The following MYO1G variants were observed in gnomAD, a reference collection of about 807,000 sequenced individuals.
MYO1G encodes the protein unconventional myosin-Ig.
A neutral mutation model predicts 115.3 loss-of-function variants in MYO1G; 65 were observed. That is an observed-to-expected ratio of 0.56 (90% CI 0.46 to 0.69). The LOEUF is 0.69. Among genes scored for constraint, MYO1G ranks in the 30% least tolerant of loss-of-function variants. The probability of loss-of-function intolerance (pLI) is 0.00; values close to 1 mark genes in which losing one functional copy is unlikely to be tolerated. For missense variants in MYO1G, 1,204 were observed against 1,393.5 expected, an observed-to-expected ratio of 0.86 and a Z score of 2.16; for synonymous variants, 510 against 552.6, an observed-to-expected ratio of 0.92 and a Z score of 1.08.
intron 3 of MYO1G, among the ~76,000 whole-genome samples, chr7:44,976,293 C>T (rs966314236): frequency 4.9e-4 from 75 of 152,324 alleles, no homozygotes; most frequent in African/African-American, 1.7e-3. Context: ...TGCACTTCTC[C>T]TCATCCTACC....
Position 44,964,115 on chromosome 7 carries a change from G to T in MYO1G, c.2679C>A (p.Asp893Glu), listed in dbSNP as rs751310560. The change falls in exon 20 of 22, where the codon GAC becomes GAA. Residue 893 changes from aspartate (D) to glutamate (E), a missense_variant. By Grantham distance (45) the Asp-to-Glu change is conservative. Transcript: ENST00000258787. This position sits in a 1 kb window ranked among gnomAD's most constrained non-coding sequence, Gnocchi z 5.1. ...CAGGGTCCAGCTTGTAGAGGTGCTG[G>T]TCTGTGAGCAGGAGGGCCCGGTTCC... ...KIRNRALLLT[D>E]QHLYKLDPDR... 6 of 1,607,052 alleles carry T rather than the reference G, an allele frequency of 3.7e-6. No individual in the cohort carries two copies. Among genetic ancestry groups the T allele is most frequent in the Non-Finnish European group, 5.1e-6 (6 of 1,176,958 alleles).
chr7:44,976,435 A>G lies in MYO1G; in HGVS notation c.398+129T>C, dbSNP rs1795050548. ...GTTGGCATTATCTGGAAACTTCCCA[A>G]GTTCCCACTGAACTTGACCTGAGCT... On this transcript the variant is annotated intron_variant, in intron 3 of 21. Coordinates refer to ENST00000258787, the MANE Select transcript of MYO1G (RefSeq NM_033054.3). 32 of 851,232 alleles carry G rather than the reference A, an allele frequency of 3.8e-5. No homozygotes were observed. In the South Asian group the frequency reaches 4.7e-4, roughly 12 times the overall value. 52.7% of individuals were successfully genotyped at this position (851,232 alleles called of 1,614,324 possible).
chr7:44,969,930 C>T lies in MYO1G; in HGVS notation c.1333-55G>A, dbSNP rs1264718122. On this transcript the variant is annotated intron_variant, in intron 10 of 21. Transcript: ENST00000258787. This position sits in a 1 kb window ranked among gnomAD's most constrained non-coding sequence, Gnocchi z 5.0. ...CCCAAGGTCTTTCAGGCCACCTCCC[C>T]TCCTCCGCCCCACACTCAGCCACCT... The T allele has an allele frequency of 3.8e-6, 6 of 1,585,334 alleles. No homozygotes were observed. Among genetic ancestry groups the T allele is most frequent in the Non-Finnish European group, 4.3e-6 (5 of 1,164,138 alleles).
Position 44,970,659 on chromosome 7 carries a change from G to A in MYO1G, c.1150C>T (p.Arg384Cys), listed in dbSNP as rs747419960. 25 of 1,613,790 alleles carry A rather than the reference G, an allele frequency of 1.5e-5. No homozygotes were observed. Among genetic ancestry groups the A allele is most frequent in the Admixed American group, 1.3e-4 (8 of 59,994 alleles). Residue 384 changes from arginine to cysteine, a missense_variant, in exon 9 of 22, where the codon CGT (arginine) becomes TGT (cysteine). By Grantham distance (180) the Arg-to-Cys change is radical (BLOSUM62 -3). Coordinates refer to ENST00000258787, the MANE Select transcript of MYO1G (RefSeq NM_033054.3). ...VMEPRGRDPR[R>C]DGKDTVIGVL... The stretch of plus-strand genomic sequence containing the variant: ...CCAATGACTGTGTCCTTGCCATCAC[G>A]CCGAGGATCCCGGCCCCGGGGTTCC...
chr7:44,976,423 G>A, intron 3 of MYO1G, 141 bp downstream of exon 3: 3 of 780,024 alleles, frequency 3.8e-6, no homozygotes, highest in Middle Eastern at 2.7e-4. Flanking sequence ...GGCATTATCT[G>A]GAAACTTCCC....
chr7:44,975,221 C>G lies in MYO1G; in HGVS notation c.571G>C (p.Val191Leu). ...CTTTCACCCACGTGCTGCTTGAGGA[C>G]CCGAGACTGAGGAGAGAGGGGCAGA... ...IHSYLLEKSR[V>L]LKQHVGERNF... Residue 191 changes from valine (V) to leucine (L), a missense_variant, in exon 5 of 22, where the codon GTC becomes CTC. By Grantham distance (32) the Val-to-Leu change is conservative. Coordinates refer to ENST00000258787, the MANE Select transcript of MYO1G (RefSeq NM_033054.3). 1 of 1,614,034 alleles carries G rather than the reference C, an allele frequency of 6.2e-7. No individual in the cohort carries two copies. Among genetic ancestry groups the G allele is most frequent in the Non-Finnish European group, 8.5e-7 (1 of 1,179,986 alleles).
At position 44,965,031 on chromosome 7, in the gene MYO1G, C is replaced by T; in HGVS notation, c.2440G>A (p.Ala814Thr). 4 of 1,611,624 alleles carry T rather than the reference C, an allele frequency of 2.5e-6. No homozygotes were observed. The highest frequency in any genetic ancestry group is 3.4e-6 in the Non-Finnish European group (4 of 1,178,718). The change falls in exon 18 of 22, where the codon GCC (alanine) becomes ACC (threonine). Residue 814 changes from alanine to threonine, a missense_variant. By Grantham distance (58) the Ala-to-Thr change is moderately conservative. Transcript: ENST00000258787. ...AGGGCCCCCATGGCGGCCACCTTGGCCTTGATCTGGGGCATGTCTGAAGGG... is the reference window on the plus strand; with the variant it reads ...AGGGCCCCCATGGCGGCCACCTTGGTCTTGATCTGGGGCATGTCTGAAGGG... ...IPPSDMPQIK[A>T]KVAAMGALQG... is the part of the protein sequence containing the mutation.
Position 44,969,575 on chromosome 7 carries a change from G to A in MYO1G, c.1504-92C>T. The A allele has an allele frequency of 6.3e-7, 1 of 1,577,850 alleles. No individual in the cohort carries two copies. Among genetic ancestry groups the A allele is most frequent in the Non-Finnish European group, 8.7e-7 (1 of 1,149,200 alleles). ...GCCTCCCCACCTCCAGGGCAGAGAA[G>A]GTTGCCACAGTGACGACAATGGCAC... On this transcript the variant is annotated intron_variant, in intron 11 of 21. Coordinates refer to ENST00000258787, the MANE Select transcript of MYO1G (RefSeq NM_033054.3). The surrounding 1 kb of genome is among the most constrained non-coding windows in gnomAD (Gnocchi z 5.0).
intron 14 of MYO1G, 50 bp downstream of exon 14, chr7:44,967,555 A>G: frequency 6.2e-7 from 1 of 1,610,532 alleles, no homozygotes; most frequent in Non-Finnish European, 8.5e-7. Context: ...CACCGAGGGC[A>G]CAGAGAGAAG....
At chr7:44,976,251 C>T (rs1795047030) in intron 3 of MYO1G, among the ~76,000 whole-genome samples, 1 of 152,196 alleles carries the variant, frequency 6.6e-6, no homozygotes. Context: ...CTGCCCTGTC[C>T]ATGAGCCATT....
In MYO1G at chr7:44,966,613, C is replaced by A. The variant is rs766807206; in HGVS notation, c.1949+59G>T. Reference sequence around the variant, plus strand: ...CTGTTTGGGGACCCTCTGCTCCTACCCCTTGGACTCCACACAGGGACTATG... The same window carrying A: ...CTGTTTGGGGACCCTCTGCTCCTACACCTTGGACTCCACACAGGGACTATG... On this transcript the variant is annotated intron_variant, in intron 15 of 21. Transcript: ENST00000258787. This position sits in a 1 kb window ranked among gnomAD's most constrained non-coding sequence, Gnocchi z 5.0. 1 of 1,602,404 alleles carries A rather than the reference C, an allele frequency of 6.2e-7. No homozygotes were observed. Among genetic ancestry groups the A allele is most frequent in the Non-Finnish European group, 8.5e-7 (1 of 1,171,572 alleles).
chr7:44,965,194 C>T, intron 17 of MYO1G, 105 bp from the exon 18 acceptor site: 1 of 1,472,892 alleles, frequency 6.8e-7, no homozygotes, highest in African/African-American at 1.4e-5. Flanking sequence ...TGCTGCCTGC[C>T]TTTCATGTCC....
chr7:44,970,783 T>G (rs202027570), intron 8 of MYO1G, 46 bp from the exon 9 acceptor site: 10 of 1,613,228 alleles, frequency 6.2e-6, no homozygotes, highest in Non-Finnish European at 8.5e-6. Flanking sequence ...TGGCCTGGCC[T>G]CCCCCATGAA....
chr7:44,965,934 C>G lies in MYO1G; in HGVS notation c.2158-74G>C, dbSNP rs1794833401. 12 of 1,553,268 alleles carry G rather than the reference C, an allele frequency of 7.7e-6. No homozygotes were observed. In the South Asian group the frequency reaches 1.3e-4, roughly 17 times the overall value. On this transcript the variant is annotated intron_variant, in intron 16 of 21. Transcript: ENST00000258787. ...CTAACCCTTAGACCCAAACCTGGCCCTGAGCATTTATTGAGCACTCCCTGG... is the reference window on the plus strand; with the variant it reads ...CTAACCCTTAGACCCAAACCTGGCCGTGAGCATTTATTGAGCACTCCCTGG...
intron 3 of MYO1G, among the ~76,000 whole-genome samples, chr7:44,976,172 C>A (rs1795046254): frequency 6.6e-6 from 1 of 152,242 alleles, no homozygotes; most frequent in African/African-American, 2.4e-5. Flanking sequence ...ACCCACACAG[C>A]CACCTGGCAT....
At chr7:44,965,963 G>A in intron 16 of MYO1G, 103 bp from the exon 17 acceptor site, 1 of 1,539,242 alleles carries the variant, frequency 6.5e-7, no homozygotes, top group East Asian at 2.3e-5. Context: ...TCCCTGGCCT[G>A]TCTCCATCAA....
At position 44,964,804 on chromosome 7, in the gene MYO1G, G is replaced by T; in HGVS notation, c.2526+141C>A. On this transcript the variant is annotated intron_variant, in intron 18 of 21. Transcript: ENST00000258787. The surrounding 1 kb of genome is among the most constrained non-coding windows in gnomAD (Gnocchi z 5.1). ...ATGAGACCTTGCAGAGCTCTGGTGG[G>T]GGCTGAGGTACAGGGCCACCAGGAC... The T allele has an allele frequency of 7.8e-7, 1 of 1,277,048 alleles. No homozygotes were observed. The allele number at this position is 1,277,048 out of a possible 1,614,324, so 79.1% of individuals were successfully genotyped here. A position where few individuals can be genotyped will look rare whatever the true frequency, so the allele number is the denominator to read the frequency against.
At chr7:44,975,699 G>A in intron 3 of MYO1G, 50 bp from the exon 4 acceptor site, 3 of 1,511,192 alleles carry the variant, frequency 2.0e-6, no homozygotes, top group Non-Finnish European at 2.7e-6. Context: ...CCCATCTGGG[G>A]AATGCTGTCT....
chr7:44,964,324 G>A lies in MYO1G; in HGVS notation c.2631+91C>T, dbSNP rs1794800397. On this transcript the variant is annotated intron_variant, in intron 19 of 21. Transcript: ENST00000258787. This position sits in a 1 kb window ranked among gnomAD's most constrained non-coding sequence, Gnocchi z 5.1. Reference sequence around the variant, plus strand: ...GGGTTGCCTCCATTTTCTCCCAAGTGCCCCCCCAAAACTCTGCACCAGCTT... The same window carrying A: ...GGGTTGCCTCCATTTTCTCCCAAGTACCCCCCCAAAACTCTGCACCAGCTT... 7.2e-7 allele frequency: 1 copy of A among 1,386,884 alleles called. No individual in the cohort carries two copies. The highest frequency in any genetic ancestry group is 1.4e-5 in the African/African-American group (1 of 70,276). The allele number at this position is 1,386,884 out of a possible 1,614,324, so 85.9% of individuals were successfully genotyped here. A position where few individuals can be genotyped will look rare whatever the true frequency, so the allele number is the denominator to read the frequency against.
Sources: allele counts gnomAD v4.1 joint callset (sites outside exome capture counted in the v4.1 genomes callset), GRCh38; gene constraint gnomAD v4.1.1; non-coding constraint Gnocchi (gnomAD v3.1); transcripts MANE v1.5; gene names NCBI Gene and HGNC (gene_info 2026-07-23, HGNC 2026-07-21).